Variants in GRIK2 observed in about 807,000 individuals in gnomAD.
The protein encoded by GRIK2 is glutamate receptor ionotropic, kainate 2.
GRIK2 carries 32 observed loss-of-function variants against 100.3 expected under a neutral mutation model. The ratio of observed to expected loss-of-function variants is 0.32; its 90% CI spans 0.24 to 0.43. GRIK2 has a LOEUF of 0.43. GRIK2 is among the 20% of genes least tolerant of loss of function. The pLI is 1.00. For missense variants in GRIK2, 843 were observed against 1,114.9 expected (o/e 0.76, Z 3.47); for synonymous variants, 417 against 389.4 (o/e 1.07, Z -0.83).
At chr6:102,012,556 C>T (rs1033478565) in intron 14 of GRIK2, among the ~76,000 whole-genome samples, 4 of 151,924 alleles carry the variant, frequency 2.6e-5, no homozygotes, top group African/African-American at 9.7e-5. Context: ...TCAAATAGAC[C>T]TTGTGCATAT....
chr6:101,638,926 A>G (rs545419884), intron 4 of GRIK2, among the ~76,000 whole-genome samples: 1 of 152,204 alleles, frequency 6.6e-6, no homozygotes, highest in Non-Finnish European at 1.5e-5. Context: ...AGTTGAAGCT[A>G]CAGTGAACCA....
intron 4 of GRIK2, among the ~76,000 whole-genome samples, chr6:101,641,792 A>T (rs1410986596): frequency 6.6e-6 from 1 of 152,000 alleles, no homozygotes; most frequent in Non-Finnish European, 1.5e-5. Flanking sequence ...AGCAAAGATC[A>T]AAAAGCATTC....
At chr6:101,948,640 T>A (rs1332162049) in intron 14 of GRIK2, among the ~76,000 whole-genome samples, 1 of 151,510 alleles carries the variant, frequency 6.6e-6, no homozygotes, top group Non-Finnish European at 1.5e-5. Flanking sequence ...AAAGGTTTTT[T>A]TATTGTTTTA....
chr6:101,888,130 C>T (rs555615632), intron 11 of GRIK2, among the ~76,000 whole-genome samples: 1 of 152,028 alleles, frequency 6.6e-6, no homozygotes, highest in Non-Finnish European at 1.5e-5. Flanking sequence ...TTTCCCTTTC[C>T]ATCTGTACAA....
rs183085907 is a variant in GRIK2 at position 101,849,887 on chromosome 6, T to G, written c.1318-9400T>G. ...GAAAAAAAAAGGCACCATTAGGTAATATTTTCTAAATGCATTGATATCTTT... is the reference window on the plus strand; with the variant it reads ...GAAAAAAAAAGGCACCATTAGGTAAGATTTTCTAAATGCATTGATATCTTT... On this transcript the variant is annotated intron_variant, in intron 10 of 16. Coordinates refer to ENST00000369134, the MANE Select transcript of GRIK2 (RefSeq NM_021956.5). Among the ~76,000 whole-genome samples the G allele has an allele frequency of 2.3e-4, 28 of 120,560 alleles. No individual in the cohort carries two copies. In the Admixed American group the frequency reaches 2.9e-3, roughly 12 times the overall value. 79.1% of individuals were successfully genotyped at this position (120,560 alleles called of 152,430 possible).
At chr6:101,396,677 A>T (rs1775022265) in intron 1 of GRIK2, among the ~76,000 whole-genome samples, 2 of 152,140 alleles carry the variant, frequency 1.3e-5, no homozygotes, top group African/African-American at 4.8e-5. Context: ...TTGTCACTCA[A>T]ATATCATGTT....
intron 2 of GRIK2, among the ~76,000 whole-genome samples, chr6:101,483,870 C>G (rs1772669338): frequency 6.6e-6 from 1 of 152,124 alleles, no homozygotes; most frequent in Admixed American, 6.6e-5. Flanking sequence ...ATGCCCGGAC[C>G]CTGTGTTAGT....
chr6:101,921,795 G>C (rs957985084), intron 12 of GRIK2, among the ~76,000 whole-genome samples: 1 of 151,942 alleles, frequency 6.6e-6, no homozygotes, highest in Non-Finnish European at 1.5e-5. Flanking sequence ...AATTGAGAAA[G>C]AGGAAAAGCT....
intron 2 of GRIK2, among the ~76,000 whole-genome samples, chr6:101,551,040 T>C (rs1582697055): frequency 6.6e-6 from 1 of 152,198 alleles, no homozygotes; most frequent in African/African-American, 2.4e-5. Flanking sequence ...GCTCACCTCA[T>C]GACTACAGTT....
intron 2 of GRIK2, among the ~76,000 whole-genome samples, chr6:101,586,875 G>A (rs1003173450): frequency 8.4e-6 from 1 of 118,798 alleles, no homozygotes; most frequent in South Asian, 2.6e-4. Flanking sequence ...GGGCAAAAGA[G>A]CAAGTCTCTG....
chr6:101,431,212 C>A, intron 2 of GRIK2: 1 of 188,624 alleles, frequency 5.3e-6, no homozygotes. Context: ...CAGATCTTCT[C>A]CATGTTGTAC....
At chr6:101,861,645 T>C (rs969334300) in intron 11 of GRIK2, among the ~76,000 whole-genome samples, 1 of 152,076 alleles carries the variant, frequency 6.6e-6, no homozygotes, top group Non-Finnish European at 1.5e-5. Context: ...CACCCTTATT[T>C]TTTTGAAAAT....
intron 14 of GRIK2, among the ~76,000 whole-genome samples, chr6:102,011,706 C>T (rs1449885894): frequency 6.6e-6 from 1 of 150,714 alleles, no homozygotes; most frequent in East Asian, 2.0e-4. Flanking sequence ...GCCTCAGCCT[C>T]TCCGAGTAGC....
intron 4 of GRIK2, among the ~76,000 whole-genome samples, chr6:101,671,880 T>A (rs564726876): frequency 1.3e-5 from 2 of 152,056 alleles, no homozygotes; most frequent in East Asian, 3.9e-4. Context: ...CAACAAAAAC[T>A]ACTTAGTATT....
intron 15 of GRIK2, among the ~76,000 whole-genome samples, chr6:102,051,260 C>CTTT (rs1562140267): frequency 5.1e-5 from 5 of 97,320 alleles, no homozygotes; most frequent in East Asian, 3.0e-4. Flanking sequence ...TCCCTTCCTT[C>CTTT]CTTCCTTCCT....
At chr6:101,636,517 A>G (rs149204940) in intron 4 of GRIK2, among the ~76,000 whole-genome samples, 208 of 152,140 alleles carry the variant, frequency 1.4e-3, no homozygotes, top group African/African-American at 4.8e-3. Context: ...AGAAAAGAAA[A>G]TTATTTCTTG....
intron 3 of GRIK2, 87 bp from the exon 4 acceptor site, chr6:101,626,293 C>A (rs1339770043): frequency 2.6e-6 from 3 of 1,143,450 alleles, no homozygotes; most frequent in Non-Finnish European, 2.5e-6. Context: ...GAGAATGATA[C>A]CTTTGGGTTT....
At chr6:101,538,032 A>G (rs1473515009) in intron 2 of GRIK2, among the ~76,000 whole-genome samples, 1 of 151,864 alleles carries the variant, frequency 6.6e-6, no homozygotes, top group Non-Finnish European at 1.5e-5. Context: ...ACAAGAATGT[A>G]TGCACAACAA....
chr6:101,400,900 T>C (rs1371878234), intron 2 of GRIK2, among the ~76,000 whole-genome samples: 1 of 152,182 alleles, frequency 6.6e-6, no homozygotes, highest in African/African-American at 2.4e-5. Flanking sequence ...CTTAAGCACG[T>C]TGCTCTTAGC....
Sources: allele counts gnomAD v4.1 joint callset (sites outside exome capture counted in the v4.1 genomes callset), GRCh38; gene constraint gnomAD v4.1.1; transcripts MANE v1.5; gene names NCBI Gene and HGNC (gene_info 2026-07-23, HGNC 2026-07-21).